The following SUMF2 variants were observed in gnomAD, a reference collection of about 807,000 sequenced individuals.
SUMF2 encodes the protein inactive C-alpha-formylglycine-generating enzyme 2.
Under a neutral mutation model 44.8 loss-of-function variants are expected in SUMF2, and 45 were observed. That is an observed-to-expected ratio of 1.00 (90% CI 0.79 to 1.29). The LOEUF (loss-of-function observed/expected upper bound fraction) is 1.29. SUMF2 is among the 50% of genes most tolerant of loss of function. The probability of loss-of-function intolerance (pLI) is 0.00; values close to 1 mark genes in which losing one functional copy is unlikely to be tolerated. For missense variants in SUMF2, 418 were observed against 389.9 expected, an observed-to-expected ratio of 1.07 and a Z score of -0.61; for synonymous variants, 148 against 150.4, an observed-to-expected ratio of 0.98 and a Z score of 0.12.
chr7:56,070,830 C>G (rs1795108307), intron 2 of SUMF2, among the ~76,000 whole-genome samples: 1 of 152,068 alleles, frequency 6.6e-6, no homozygotes, highest in Admixed American at 6.6e-5. Context: ...TAAAAAGGGA[C>G]AGACTACTAA....
rs148154279 is a variant in SUMF2, at chr7:56,074,178, T to C, written c.344T>C (p.Val115Ala). 1 of 1,614,088 alleles carries C rather than the reference T, an allele frequency of 6.2e-7. No homozygotes were observed. The highest frequency in any genetic ancestry group is 8.5e-7 in the Non-Finnish European group (1 of 1,180,022). The change falls in exon 4 of 9, where the codon GTA (valine) becomes GCA (alanine). Residue 115 changes from valine (V) to alanine (A), a missense_variant. Transcript: ENST00000434526. The part of the protein sequence containing the change: ...RNKATQPMKS[V>A]LWWLPVEKAF... Reference sequence around the variant, plus strand: ...CGGTCTCCTTCTTTTTCGCAGTCTGTACTCTGGTGGCTTCCAGTGGAAAAG... The same window carrying C: ...CGGTCTCCTTCTTTTTCGCAGTCTGCACTCTGGTGGCTTCCAGTGGAAAAG...
chr7:56,086,730 C>A, the SUMF2 span: 1 of 511,614 alleles, frequency 2.0e-6, no homozygotes, highest in Non-Finnish European at 3.5e-6. Flanking sequence ...GCTATTATCA[C>A]TCCCATAATA....
At chr7:56,078,299 C>A in intron 7 of SUMF2, 65 bp from the exon 8 acceptor site, 1 of 1,560,616 alleles carries the variant, frequency 6.4e-7, no homozygotes, top group Non-Finnish European at 8.7e-7. Context: ...GCCCCCAGGA[C>A]CTCAGAGGGT....
At chr7:56,070,066 G>C (rs1795060130) in intron 2 of SUMF2, among the ~76,000 whole-genome samples, 1 of 151,746 alleles carries the variant, frequency 6.6e-6, no homozygotes, top group Non-Finnish European at 1.5e-5. Context: ...GCACCACCAC[G>C]CCCAGCTATT....
chr7:56,064,465 C>G, intron 1 of SUMF2, 87 bp downstream of exon 1: 1 of 1,472,450 alleles, frequency 6.8e-7, no homozygotes. Context: ...GGCCCTTCTG[C>G]CGGCTTCCGG....
chr7:56,071,193 C>G (rs1795133152), intron 2 of SUMF2, among the ~76,000 whole-genome samples: 1 of 151,894 alleles, frequency 6.6e-6, no homozygotes, highest in Non-Finnish European at 1.5e-5. Context: ...ATAGTGAGAC[C>G]CCATCTCTAC....
chr7:56,073,875 C>T (rs949418855), intron 3 of SUMF2: 33 of 423,686 alleles, frequency 7.8e-5, no homozygotes, highest in Non-Finnish European at 1.4e-4. Flanking sequence ...ATTAGCTGGG[C>T]ATGGTCATGC....
downstream of SUMF2, chr7:56,084,236 T>A (rs1584624363): frequency 6.6e-7 from 1 of 1,526,424 alleles, no homozygotes; most frequent in African/African-American, 1.4e-5. Context: ...TGTATCAGTG[T>A]CTTCCCATCT....
intron 3 of SUMF2, chr7:56,073,743 G>C (rs1417289763): frequency 1.0e-5 from 2 of 191,024 alleles, no homozygotes; most frequent in African/African-American, 4.8e-5. Context: ...GGGCGCAGCA[G>C]CTCACGCCTG....
intron 1 of SUMF2, among the ~76,000 whole-genome samples, chr7:56,068,200 AT>A (rs1413037293): frequency 5.3e-4 from 77 of 145,196 alleles, no homozygotes; most frequent in African/African-American, 4.8e-4. Flanking sequence ...CGCCCGGCTA[AT>A]TTTTTTTTTT....
chr7:56,079,794 T>C lies in SUMF2; in HGVS notation c.*182T>C. The stretch of plus-strand genomic sequence containing the variant: ...GGGCAGGAGAGGACTCAGCCTCCTG[T>C]GTTTTGGAGAAGGGGCCCAATGTGT... On this transcript the variant is annotated 3_prime_UTR_variant, in exon 9 of 9. Coordinates refer to ENST00000434526, the MANE Select transcript of SUMF2 (RefSeq NM_015411.4). 2 of 1,553,608 alleles carry C rather than the reference T, an allele frequency of 1.3e-6. No homozygotes were observed. The highest frequency in any genetic ancestry group is 2.4e-5 in the South Asian group (2 of 84,642).
In SUMF2 at chr7:56,078,609, G is replaced by C. The variant is rs571302439; in HGVS notation, c.821+101G>C. ...CCTACCTTCACACCACCAACCGTCT[G>C]TGTGTGATGAGCTGGTCCCAGCACC... On this transcript the variant is annotated intron_variant, in intron 8 of 8. Coordinates refer to ENST00000434526, the MANE Select transcript of SUMF2 (RefSeq NM_015411.4). 6.7e-6 allele frequency: 9 copies of C among 1,346,308 alleles called. No homozygotes were observed. The South Asian group carries it at 1.5e-4, about 23-fold the overall frequency. 83.4% of individuals were successfully genotyped at this position (1,346,308 alleles called of 1,614,324 possible).
intron 1 of SUMF2, among the ~76,000 whole-genome samples, chr7:56,067,911 A>G (rs1794910653): frequency 6.6e-6 from 1 of 151,410 alleles, no homozygotes; most frequent in Non-Finnish European, 1.5e-5. Flanking sequence ...AAAAAAAAAA[A>G]GACAAGAAAT....
chr7:56,081,720 G>C (rs1297198974), downstream of SUMF2: 1 of 1,613,972 alleles, frequency 6.2e-7, no homozygotes. The surrounding 1 kb of genome is among the most constrained non-coding windows in gnomAD (Gnocchi z 4.6). Context: ...CCGCTGTGTA[G>C]CGGTTCTGGG....
chr7:56,067,984 G>A (rs932964692), intron 1 of SUMF2, among the ~76,000 whole-genome samples: 2 of 148,982 alleles, frequency 1.3e-5, no homozygotes, highest in Admixed American at 1.3e-4. Context: ...GAACAAGAAT[G>A]TGAAGCCAAA....
chr7:56,087,638 C>T, the SUMF2 span: 1 of 1,614,004 alleles, frequency 6.2e-7, no homozygotes, highest in Non-Finnish European at 8.5e-7. Flanking sequence ...GGATGTCCAC[C>T]TCCTTCAGCG....
In SUMF2 at chr7:56,079,833, G is replaced by A. The variant is rs903761550; in HGVS notation, c.*221G>A. The A allele has an allele frequency of 6.4e-7, 1 of 1,551,590 alleles. No individual in the cohort carries two copies. Among genetic ancestry groups the A allele is most frequent in the Non-Finnish European group, 8.7e-7 (1 of 1,146,794 alleles). Reference sequence around the variant, plus strand: ...GGCCCAATGTGTGTTGACGATGGCTGGGGGCCAGGTGTTTCTGTTAGAGGC... The same window carrying A: ...GGCCCAATGTGTGTTGACGATGGCTAGGGGCCAGGTGTTTCTGTTAGAGGC... On this transcript the variant is annotated 3_prime_UTR_variant, in exon 9 of 9. Coordinates refer to ENST00000434526, the MANE Select transcript of SUMF2 (RefSeq NM_015411.4).
At chr7:56,070,792 G>C (rs147073557) in intron 2 of SUMF2, among the ~76,000 whole-genome samples, 84 of 152,212 alleles carry the variant, frequency 5.5e-4, no homozygotes, top group African/African-American at 1.9e-3. Flanking sequence ...AATATGGTAT[G>C]TCCATACAAT....
chr7:56,071,780 G>A (rs146379786), intron 2 of SUMF2, among the ~76,000 whole-genome samples: 7,024 of 130,638 alleles, frequency 0.054, 422 homozygotes, highest in African/African-American at 0.15. Context: ...GTGAGACTCC[G>A]TCTAAAAATA....
Sources: allele counts gnomAD v4.1 joint callset (sites outside exome capture counted in the v4.1 genomes callset), GRCh38; gene constraint gnomAD v4.1.1; non-coding constraint Gnocchi (gnomAD v3.1); transcripts MANE v1.5; gene names NCBI Gene and HGNC (gene_info 2026-07-23, HGNC 2026-07-21).